Variants in OR1J2 observed in about 807,000 individuals in gnomAD.
OR1J2 encodes olfactory receptor 1J2.
For missense variants in OR1J2, 304 were observed against 246.1 expected, an observed-to-expected ratio of 1.24 and a Z score of -1.57; for synonymous variants, 142 against 99.7, an observed-to-expected ratio of 1.42 and a Z score of -2.52.
chr9:122,503,725 C>T, the OR1J2 span, among the ~76,000 whole-genome samples: 1 of 152,196 alleles, frequency 6.6e-6, no homozygotes, highest in African/African-American at 2.4e-5. Flanking sequence ...TCCCTCCAGG[C>T]CCCTGACAAA....
At chr9:122,536,618 C>T in the OR1J2 span, among the ~76,000 whole-genome samples, 1 of 152,134 alleles carries the variant, frequency 6.6e-6, no homozygotes, top group Non-Finnish European at 1.5e-5. Flanking sequence ...CGAGAACTGA[C>T]AATTGTAATT....
the OR1J2 span, among the ~76,000 whole-genome samples, chr9:122,483,621 T>C: frequency 2.6e-5 from 4 of 152,324 alleles, no homozygotes; most frequent in South Asian, 8.3e-4. Context: ...TTCTTTGTAG[T>C]GGTTAACCCT....
At chr9:122,553,243 C>G in the OR1J2 span, 3 of 1,613,706 alleles carry the variant, frequency 1.9e-6, no homozygotes, top group Non-Finnish European at 2.5e-6. Context: ...AACCAAACCA[C>G]TGTTTCAGAC....
At chr9:122,473,268 A>G in the OR1J2 span, among the ~76,000 whole-genome samples, 5 of 152,334 alleles carry the variant, frequency 3.3e-5, no homozygotes, top group East Asian at 9.6e-4. Context: ...AAAGTGTATC[A>G]TGGGACCATC....
chr9:122,466,129 G>A, the OR1J2 span, among the ~76,000 whole-genome samples: 5 of 152,226 alleles, frequency 3.3e-5, no homozygotes, highest in South Asian at 4.2e-4. Context: ...ATATTGAATG[G>A]CCCAGGCTCC....
At chr9:122,474,502 A>G in the OR1J2 span, among the ~76,000 whole-genome samples, 1 of 152,224 alleles carries the variant, frequency 6.6e-6, no homozygotes, top group African/African-American at 2.4e-5. Context: ...CTAGTTGATC[A>G]ATGATATTTT....
the OR1J2 span, chr9:122,527,104 G>A: frequency 2.5e-6 from 4 of 1,614,112 alleles, no homozygotes; most frequent in Non-Finnish European, 3.4e-6. Flanking sequence ...ACAAAAGACA[G>A]GTTGGCCAAG....
At chr9:122,483,556 A>G in the OR1J2 span, among the ~76,000 whole-genome samples, 1 of 152,212 alleles carries the variant, frequency 6.6e-6, no homozygotes, top group Non-Finnish European at 1.5e-5. Flanking sequence ...GGGCACATAT[A>G]TGCAGTAAAA....
the OR1J2 span, among the ~76,000 whole-genome samples, chr9:122,453,028 CAAAAA>C: frequency 1.1e-5 from 1 of 93,454 alleles, no homozygotes; most frequent in Non-Finnish European, 2.2e-5. Flanking sequence ...AGCTTCGTCT[CAAAAA>C]AAAAAAAAAA....
the OR1J2 span, among the ~76,000 whole-genome samples, chr9:122,530,490 A>C: frequency 6.6e-6 from 1 of 152,156 alleles, no homozygotes; most frequent in Non-Finnish European, 1.5e-5. Context: ...ATAATTGCCC[A>C]ATTTTCTCTC....
the OR1J2 span, among the ~76,000 whole-genome samples, chr9:122,550,926 A>G: frequency 0.3 from 45,333 of 149,442 alleles, 7,261 homozygotes; most frequent in East Asian, 0.54. Flanking sequence ...CAATCAGGGA[A>G]AAAAAAAAAA....
At chr9:122,451,797 G>T in the OR1J2 span, among the ~76,000 whole-genome samples, 1 of 152,236 alleles carries the variant, frequency 6.6e-6, no homozygotes, top group South Asian at 2.1e-4. Flanking sequence ...CCCATAACTG[G>T]TGTAATTACT....
chr9:122,553,940 C>G, the OR1J2 span: 1 of 1,613,950 alleles, frequency 6.2e-7, no homozygotes, highest in Non-Finnish European at 8.5e-7. Context: ...CCTTCTCTAC[C>G]TGTGGTTCTC....
At chr9:122,575,375 A>G in the OR1J2 span, among the ~76,000 whole-genome samples, 9 of 152,084 alleles carry the variant, frequency 5.9e-5, no homozygotes, top group Non-Finnish European at 1.0e-4. Context: ...TTATAGATAC[A>G]GTTCTATCAA....
the OR1J2 span, among the ~76,000 whole-genome samples, chr9:122,497,931 T>G: frequency 6.6e-6 from 1 of 152,226 alleles, no homozygotes; most frequent in Admixed American, 6.5e-5. Flanking sequence ...GACTTCATTG[T>G]TTACCAAAAA....
Position 122,511,181 on chromosome 9 carries a change from G to A in OR1J2, c.380G>A (p.Cys127Tyr), listed in dbSNP as rs373954152. The A allele has an allele frequency of 1.4e-6, 1 of 719,262 alleles. No homozygotes were observed. Among genetic ancestry groups the A allele is most frequent in the African/African-American group, 1.8e-5 (1 of 57,002 alleles). The allele number at this position is 719,262 out of a possible 1,614,324, so 44.6% of individuals were successfully genotyped here. A position where few individuals can be genotyped will look rare whatever the true frequency, so the allele number is the denominator to read the frequency against. ...GCATATGACCGATATGTTGCCATAT[G>A]TCACCCTCTCCACTACACTGTCATC... ...SMAYDRYVAI[C>Y]HPLHYTVIMR... Residue 127 changes from cysteine to tyrosine, a missense_variant, in exon 1 of 1, where the codon TGT becomes TAT. By Grantham distance (194) the Cys-to-Tyr change is radical. Coordinates refer to ENST00000335302, the MANE Select transcript of OR1J2 (RefSeq NM_054107.1).
chr9:122,482,050 GAAAC>G, the OR1J2 span, among the ~76,000 whole-genome samples: 3 of 151,918 alleles, frequency 2.0e-5, no homozygotes, highest in Admixed American at 6.6e-5. Flanking sequence ...CACAGGAAAA[GAAAC>G]AACCAACTGA....
chr9:122,516,039 C>G (rs1828696483), downstream of OR1J2, among the ~76,000 whole-genome samples: 1 of 152,068 alleles, frequency 6.6e-6, no homozygotes, highest in African/African-American at 2.4e-5. Flanking sequence ...TAGACCTTAC[C>G]TTATTTAATT....
At chr9:122,535,248 A>G in the OR1J2 span, among the ~76,000 whole-genome samples, 1 of 152,090 alleles carries the variant, frequency 6.6e-6, no homozygotes, top group Admixed American at 6.6e-5. Context: ...GGGTGCAGAG[A>G]TAAGAGGTTG....
Sources: allele counts gnomAD v4.1 joint callset (sites outside exome capture counted in the v4.1 genomes callset), GRCh38; gene constraint gnomAD v4.1.1; transcripts MANE v1.5; gene names NCBI Gene and HGNC (gene_info 2026-07-23, HGNC 2026-07-21).